DOCK4: variants seen among roughly 807,000 people sequenced by gnomAD.
DOCK4 encodes the protein dedicator of cytokinesis protein 4.
In DOCK4, 97 loss-of-function variants were observed where a neutral mutation model predicts 268.1. The observed-to-expected ratio is 0.36, with a 90% CI of 0.31 to 0.43. The LOEUF (loss-of-function observed/expected upper bound fraction) is 0.43. Among genes scored for constraint, DOCK4 ranks in the 20% least tolerant of loss-of-function variants. The pLI, the probability that DOCK4 is intolerant of heterozygous loss-of-function variation, is 1.00. For synonymous variants in DOCK4, 954 were observed against 887.2 expected (o/e 1.08, Z -1.34); for missense variants, 2,145 against 2,455.7 (o/e 0.87, Z 2.67).
chr7:111,908,651 T>C (rs1454950515), intron 13 of DOCK4, among the ~76,000 whole-genome samples: 1 of 152,046 alleles, frequency 6.6e-6, no homozygotes, highest in African/African-American at 2.4e-5. Flanking sequence ...CATCTAGGTT[T>C]TAAGCCCCGC....
Position 111,964,263 on chromosome 7 carries a change from C to T in DOCK4, c.701+12869G>A, listed in dbSNP as rs1198156031. Among the ~76,000 whole-genome samples, 8 of 114,250 alleles carry T rather than the reference C, an allele frequency of 7.0e-5. 2 individuals carry two copies. Among genetic ancestry groups the T allele is most frequent in the African/African-American group, 9.6e-5 (2 of 20,882 alleles). The allele number at this position is 114,250 out of a possible 152,430, so 75.0% of individuals were successfully genotyped here. The stretch of plus-strand genomic sequence containing the variant: ...CAGACGATCAAATTACTCTGAGCTA[C>T]GGGAGGACATTCAAACCAAAGGCAA... On this transcript the variant is annotated intron_variant, in intron 8 of 52. Coordinates refer to ENST00000428084, the MANE Select transcript of DOCK4 (RefSeq NM_001363540.2).
chr7:111,945,387 T>C (rs537408489), intron 9 of DOCK4, among the ~76,000 whole-genome samples: 2 of 152,314 alleles, frequency 1.3e-5, no homozygotes, highest in Admixed American at 1.3e-4. Flanking sequence ...GGTTTCACCA[T>C]GTTGGCCAGG....
At chr7:112,025,639 T>C (rs1036460715) in intron 1 of DOCK4, among the ~76,000 whole-genome samples, 7 of 152,156 alleles carry the variant, frequency 4.6e-5, no homozygotes, top group Non-Finnish European at 1.0e-4. Flanking sequence ...AACCCTTCAA[T>C]GGATCCTCAA....
At chr7:112,033,949 A>G (rs1011835046) in intron 1 of DOCK4, among the ~76,000 whole-genome samples, 1 of 152,228 alleles carries the variant, frequency 6.6e-6, no homozygotes, top group African/African-American at 2.4e-5. Context: ...TAAACTTACA[A>G]ATCCTGCAAG....
At chr7:111,974,491 GATGT>G (rs1262724080) in intron 8 of DOCK4, among the ~76,000 whole-genome samples, 3 of 90,342 alleles carry the variant, frequency 3.3e-5, no homozygotes, top group South Asian at 4.4e-4. Context: ...ATTGAAGAGG[GATGT>G]GTGTGTGTGT....
chr7:111,855,243 T>C (rs1273916096), intron 23 of DOCK4, among the ~76,000 whole-genome samples: 3 of 151,762 alleles, frequency 2.0e-5, no homozygotes, highest in Non-Finnish European at 4.4e-5. Flanking sequence ...GGCTAATAGA[T>C]GGGTGGTGAA....
intron 30 of DOCK4, among the ~76,000 whole-genome samples, chr7:111,802,768 C>T (rs1484498305): frequency 1.3e-5 from 2 of 152,114 alleles, no homozygotes; most frequent in East Asian, 1.9e-4. Flanking sequence ...CAAACGCACA[C>T]AAAATCACAG....
intron 15 of DOCK4, among the ~76,000 whole-genome samples, chr7:111,897,619 T>C (rs544372279): frequency 6.6e-6 from 1 of 151,158 alleles, no homozygotes; most frequent in Non-Finnish European, 1.5e-5. Flanking sequence ...AAATTGGACA[T>C]AGTGGGAGTA....
At chr7:112,033,014 A>G (rs549403865) in intron 1 of DOCK4, among the ~76,000 whole-genome samples, 7 of 152,342 alleles carry the variant, frequency 4.6e-5, no homozygotes, top group Non-Finnish European at 1.0e-4. Context: ...TCTGACTTCA[A>G]TCACTAAATA....
At chr7:111,862,183 C>T (rs1484726416) in intron 23 of DOCK4, among the ~76,000 whole-genome samples, 1 of 151,856 alleles carries the variant, frequency 6.6e-6, no homozygotes, top group Admixed American at 6.6e-5. Context: ...CCTATAATCC[C>T]AGCTACTCAG....
At chr7:111,937,579 T>C (rs1056509821) in intron 11 of DOCK4, among the ~76,000 whole-genome samples, 2 of 152,158 alleles carry the variant, frequency 1.3e-5, no homozygotes, top group Admixed American at 1.3e-4. Flanking sequence ...CCCTCTGTTT[T>C]CCCACTGACA....
intron 30 of DOCK4, among the ~76,000 whole-genome samples, chr7:111,795,973 C>T (rs1799866011): frequency 6.6e-6 from 1 of 152,174 alleles, no homozygotes; most frequent in South Asian, 2.1e-4. Flanking sequence ...CAGATATCTG[C>T]CTCCACTAGG....
At chr7:112,136,713 G>C (rs1277842108) in intron 1 of DOCK4, among the ~76,000 whole-genome samples, 4 of 152,160 alleles carry the variant, frequency 2.6e-5, no homozygotes, top group Admixed American at 2.6e-4. Flanking sequence ...ATCAGGCAGG[G>C]CTTTTTGGAA....
intron 25 of DOCK4, among the ~76,000 whole-genome samples, chr7:111,843,774 G>A (rs1364665171): frequency 6.6e-6 from 1 of 151,944 alleles, no homozygotes; most frequent in East Asian, 1.9e-4. Context: ...TATAATATTA[G>A]ACTCAAAATG....
chr7:112,190,801 A>G (rs914967057), intron 1 of DOCK4, among the ~76,000 whole-genome samples: 1 of 152,204 alleles, frequency 6.6e-6, no homozygotes, highest in Non-Finnish European at 1.5e-5. Context: ...GCAGAAAAGG[A>G]GAAAGATTAG....
intron 2 of DOCK4, among the ~76,000 whole-genome samples, chr7:112,001,960 T>A (rs532947547): frequency 5.9e-5 from 9 of 152,188 alleles, no homozygotes; most frequent in Non-Finnish European, 1.2e-4. Context: ...TCAGGATATA[T>A]ATTGTATTTT....
At chr7:111,961,515 ATACT>A (rs1796894716) in intron 8 of DOCK4, among the ~76,000 whole-genome samples, 1 of 152,192 alleles carries the variant, frequency 6.6e-6, no homozygotes, top group African/African-American at 2.4e-5. Context: ...GGATAAACCT[ATACT>A]TATTTAGAAT....
chr7:111,755,523 G>T lies in DOCK4; in HGVS notation c.4408C>A (p.Arg1470Ser). ...GISRWFEVEK[R>S]EVVEMSPLEN... ...CAAGCTCTGATCCTTACCACTTCAC[G>T]CTTTTCCACTTCAAACCAGCGAGAG... Residue 1470 changes from arginine to serine, a missense_variant, in exon 42 of 53, where the codon CGT becomes AGT. This residue lies in a region of DOCK4 where 1,598 missense variants were observed against 1,986.7 expected (regional missense o/e 0.80). Coordinates refer to ENST00000428084, the MANE Select transcript of DOCK4 (RefSeq NM_001363540.2). 2.5e-6 allele frequency: 4 copies of T among 1,613,758 alleles called. No homozygotes were observed. Among genetic ancestry groups the T allele is most frequent in the Non-Finnish European group, 3.4e-6 (4 of 1,179,798 alleles).
At chr7:111,953,404 T>C (rs1333161781) in intron 8 of DOCK4, among the ~76,000 whole-genome samples, 3 of 152,058 alleles carry the variant, frequency 2.0e-5, no homozygotes, top group African/African-American at 4.8e-5. Context: ...TAAAAGGCAA[T>C]AGAATACAAA....
Sources: allele counts gnomAD v4.1 joint callset (sites outside exome capture counted in the v4.1 genomes callset), GRCh38; gene constraint gnomAD v4.1.1; regional missense constraint gnomAD v4.1.1; transcripts MANE v1.5; gene names NCBI Gene and HGNC (gene_info 2026-07-23, HGNC 2026-07-21).